Variants in GLI2 observed in about 807,000 individuals in gnomAD.
GLI2 encodes the protein GLI family zinc finger 2, also known as transcription activator GLI2.
In GLI2, 22 loss-of-function variants were observed where a neutral mutation model predicts 78.9. The observed-to-expected ratio is 0.28, with a 90% CI of 0.20 to 0.40. The LOEUF is 0.40. Among genes scored for constraint, GLI2 ranks in the 10% least tolerant of loss-of-function variants. The pLI is 1.00. For synonymous variants in GLI2, 974 were observed against 963.7 expected (o/e 1.01, Z -0.20); for missense variants, 2,097 against 2,213.2 (o/e 0.95, Z 1.05).
chr2:120,766,033 C>T (rs966369505), intron 1 of GLI2, among the ~76,000 whole-genome samples: 7 of 152,130 alleles, frequency 4.6e-5, no homozygotes, highest in Non-Finnish European at 8.8e-5. Flanking sequence ...GTCTCGGAGA[C>T]GTCTGGAGCT....
intron 3 of GLI2, among the ~76,000 whole-genome samples, chr2:120,950,700 C>T (rs939391777): frequency 2.0e-5 from 3 of 152,206 alleles, no homozygotes; most frequent in Admixed American, 6.5e-5. Context: ...CCTGACCCTG[C>T]GGCCGAGCTG....
intron 2 of GLI2, among the ~76,000 whole-genome samples, chr2:120,834,618 A>T (rs1253831301): frequency 6.6e-6 from 1 of 152,194 alleles, no homozygotes; most frequent in Non-Finnish European, 1.5e-5. Flanking sequence ...GAACATTAGA[A>T]ACACAGAAAA....
intron 2 of GLI2, among the ~76,000 whole-genome samples, chr2:120,884,719 G>C (rs576081917): frequency 1.3e-3 from 195 of 152,334 alleles, no homozygotes; most frequent in African/African-American, 4.3e-3. Flanking sequence ...GTGACATTAG[G>C]GTGGCCGTCG....
chr2:120,903,111 G>A (rs977188489), intron 2 of GLI2, among the ~76,000 whole-genome samples: 11 of 152,080 alleles, frequency 7.2e-5, no homozygotes, highest in East Asian at 3.9e-4. Flanking sequence ...AGGGCCGGGC[G>A]CAGTGGGTCA....
intron 2 of GLI2, among the ~76,000 whole-genome samples, chr2:120,814,064 G>C (rs1343957717): frequency 6.6e-6 from 1 of 151,846 alleles, no homozygotes; most frequent in Non-Finnish European, 1.5e-5. Flanking sequence ...AGCTGGCATG[G>C]TTATCCCATC....
chr2:120,894,651 C>T (rs1389513989), intron 2 of GLI2, among the ~76,000 whole-genome samples: 3 of 142,030 alleles, frequency 2.1e-5, no homozygotes, highest in Non-Finnish European at 4.6e-5. Context: ...CCCCATAAAT[C>T]CCCCCACTTC....
At chr2:120,841,371 AG>A (rs1211377325) in intron 2 of GLI2, among the ~76,000 whole-genome samples, 1 of 152,192 alleles carries the variant, frequency 6.6e-6, no homozygotes, top group African/African-American at 2.4e-5. Context: ...TAGTGAAGAG[AG>A]AGGAGAGGGC....
At chr2:120,980,105 T>C (rs1682648680) in intron 10 of GLI2, among the ~76,000 whole-genome samples, 1 of 152,260 alleles carries the variant, frequency 6.6e-6, no homozygotes, top group South Asian at 2.1e-4. Flanking sequence ...GCTATGAACA[T>C]GTGCGTTCAT....
chr2:120,871,184 A>G (rs924771729), intron 2 of GLI2, among the ~76,000 whole-genome samples: 4 of 152,198 alleles, frequency 2.6e-5, no homozygotes, highest in African/African-American at 9.6e-5. Context: ...TGCAGAAGCT[A>G]CCTGCAGCCA....
intron 1 of GLI2, among the ~76,000 whole-genome samples, chr2:120,794,318 G>A (rs1684284424): frequency 6.6e-6 from 1 of 152,204 alleles, no homozygotes; most frequent in Non-Finnish European, 1.5e-5. Context: ...CAAGGGCAGA[G>A]CCAGTTATCC....
chr2:120,974,340 G>A (rs1682341843), intron 8 of GLI2, among the ~76,000 whole-genome samples: 2 of 152,278 alleles, frequency 1.3e-5, no homozygotes, highest in Non-Finnish European at 2.9e-5. Flanking sequence ...GGTAGGGATG[G>A]TCTTGTGGGT....
chr2:120,924,118 G>A (rs537595405), intron 2 of GLI2, among the ~76,000 whole-genome samples: 1 of 152,326 alleles, frequency 6.6e-6, no homozygotes, highest in Admixed American at 6.5e-5. Context: ...ACCATGAATG[G>A]TAGGCACACC....
chr2:120,920,350 C>A (rs1679308613), intron 2 of GLI2, among the ~76,000 whole-genome samples: 1 of 152,248 alleles, frequency 6.6e-6, no homozygotes, highest in African/African-American at 2.4e-5. Flanking sequence ...TGGAGGCCGC[C>A]TGGTCATGTT....
intron 7 of GLI2, among the ~76,000 whole-genome samples, chr2:120,971,467 C>T (rs1390020287): frequency 1.3e-5 from 2 of 152,244 alleles, no homozygotes; most frequent in Non-Finnish European, 2.9e-5. Context: ...TGGTGGCTCC[C>T]CAGAGCCTCC....
At chr2:120,877,139 CCCT>C (rs961974280) in intron 2 of GLI2, among the ~76,000 whole-genome samples, 5 of 152,150 alleles carry the variant, frequency 3.3e-5, no homozygotes, top group Non-Finnish European at 5.9e-5. Context: ...GCCTGGCCTC[CCCT>C]CCTCCTCCAG....
Position 120,976,933 on chromosome 2 carries a change from A to G in GLI2, c.1318-1501A>G, listed in dbSNP as rs980551959. On this transcript the variant is annotated intron_variant, in intron 9 of 13. Coordinates refer to ENST00000361492, the MANE Select transcript of GLI2 (RefSeq NM_001374353.1). ...TAACAATTTGTTGCTAAGTAAACCA[A>G]TAAGAAAAAAATGAAAGCCATTGTC... 5.2e-5 allele frequency among the ~76,000 whole-genome samples: 8 copies of G among 152,398 alleles called. 2 individuals carry two copies. The highest frequency in any genetic ancestry group is 4.6e-4 in the Admixed American group (7 of 15,312).
intron 2 of GLI2, among the ~76,000 whole-genome samples, chr2:120,876,293 G>A (rs1460894074): frequency 6.6e-6 from 1 of 152,210 alleles, no homozygotes; most frequent in African/African-American, 2.4e-5. Context: ...AGTGAGCCGA[G>A]ATAGCGCCAC....
At chr2:120,908,890 T>G (rs11893321) in intron 2 of GLI2, among the ~76,000 whole-genome samples, 74,987 of 151,958 alleles carry the variant, frequency 0.49, 21,909 homozygotes, top group African/African-American at 0.82. Context: ...GAGGACAGAC[T>G]GTCTACAGGA....
At chr2:120,861,626 A>T (rs1687907483) in intron 2 of GLI2, among the ~76,000 whole-genome samples, 1 of 152,256 alleles carries the variant, frequency 6.6e-6, no homozygotes, top group South Asian at 2.1e-4. Flanking sequence ...TGATTGCCAC[A>T]GCAGGGATTA....
Sources: allele counts gnomAD v4.1 joint callset (sites outside exome capture counted in the v4.1 genomes callset), GRCh38; gene constraint gnomAD v4.1.1; transcripts MANE v1.5; gene names NCBI Gene and HGNC (gene_info 2026-07-23, HGNC 2026-07-21).